Variants in CTNND2 observed in about 807,000 individuals in gnomAD.
CTNND2 encodes the protein catenin delta-2.
Under a neutral mutation model 144.4 loss-of-function variants are expected in CTNND2, and 22 were observed. The observed-to-expected ratio is 0.15, with a 90% CI of 0.11 to 0.22. The LOEUF (loss-of-function observed/expected upper bound fraction) is 0.22, where lower values mean the gene tolerates loss of function less well. Among genes scored for constraint, CTNND2 ranks in the 10% least tolerant of loss-of-function variants. CTNND2 has a pLI of 1.00. For synonymous variants in CTNND2, 751 were observed against 695.6 expected (o/e 1.08, Z -1.25); for missense variants, 1,353 against 1,618.8 (o/e 0.84, Z 2.82).
intron 1 of CTNND2, among the ~76,000 whole-genome samples, chr5:11,854,560 T>C (rs1387690940): frequency 6.6e-6 from 1 of 152,240 alleles, no homozygotes; most frequent in African/African-American, 2.4e-5. Flanking sequence ...GAAGAGTGCC[T>C]GGCTCAAAGA....
chr5:11,229,699 CAT>C (rs1226324600), intron 10 of CTNND2, among the ~76,000 whole-genome samples: 1 of 149,706 alleles, frequency 6.7e-6, no homozygotes, highest in African/African-American at 2.5e-5. Context: ...TATATATACA[CAT>C]ATATATACAT....
At chr5:11,215,179 TC>T (rs1739045691) in intron 10 of CTNND2, among the ~76,000 whole-genome samples, 1 of 152,194 alleles carries the variant, frequency 6.6e-6, no homozygotes, top group African/African-American at 2.4e-5. Flanking sequence ...AGGAGAAGTA[TC>T]ATATATCAAG....
rs529390474 is a variant in CTNND2 at position 11,123,192 on chromosome 5, G to A, written c.2160-5625C>T. 2.0e-5 allele frequency among the ~76,000 whole-genome samples: 3 copies of A among 152,270 alleles called. No homozygotes were observed. In the South Asian group the frequency reaches 6.2e-4, roughly 32 times the overall value. On this transcript the variant is annotated intron_variant, in intron 12 of 21. Transcript: ENST00000304623. Reference sequence around the variant, plus strand: ...TTCTCTTAGAGCACCTGTAACACACGATGTTTGAGTCTGGTCCCACAAGGC... The same window carrying A: ...TTCTCTTAGAGCACCTGTAACACACAATGTTTGAGTCTGGTCCCACAAGGC...
At chr5:11,853,518 G>A (rs191471471) in intron 1 of CTNND2, among the ~76,000 whole-genome samples, 2 of 152,198 alleles carry the variant, frequency 1.3e-5, no homozygotes, top group Admixed American at 1.3e-4. Context: ...TGAATCTCAA[G>A]TCACTGCCCA....
At chr5:11,647,951 T>A (rs900285913) in intron 2 of CTNND2, among the ~76,000 whole-genome samples, 2 of 152,206 alleles carry the variant, frequency 1.3e-5, no homozygotes, top group Non-Finnish European at 2.9e-5. Flanking sequence ...CGGACAGACA[T>A]AGACAAAGGA....
At chr5:11,848,118 C>T (rs775822997) in intron 1 of CTNND2, among the ~76,000 whole-genome samples, 3 of 152,020 alleles carry the variant, frequency 2.0e-5, no homozygotes, top group African/African-American at 7.2e-5. Flanking sequence ...AAAGTTTGCC[C>T]TCTATTCTTT....
At chr5:11,529,090 C>T (rs1773518684) in intron 3 of CTNND2, among the ~76,000 whole-genome samples, 1 of 152,190 alleles carries the variant, frequency 6.6e-6, no homozygotes, top group Non-Finnish European at 1.5e-5. Context: ...AACAGGGACA[C>T]AAGGCCATAT....
chr5:11,637,072 A>T (rs1245439430), intron 2 of CTNND2, among the ~76,000 whole-genome samples: 1 of 152,232 alleles, frequency 6.6e-6, no homozygotes, highest in Non-Finnish European at 1.5e-5. Context: ...TTTCTTTACA[A>T]GAAAAAAGCA....
intron 1 of CTNND2, among the ~76,000 whole-genome samples, chr5:11,753,032 T>C (rs1442907621): frequency 1.3e-5 from 2 of 151,922 alleles, no homozygotes. Context: ...TAATTTTACA[T>C]TCTGAAACTT....
rs61751688 is a variant in CTNND2 at position 10,991,025 on chromosome 5, C to G, written c.3211+1526G>C. 2.1e-3 allele frequency among the ~76,000 whole-genome samples: 313 copies of G among 152,330 alleles called. 2 individuals are homozygous for G. The highest frequency in any genetic ancestry group is 6.9e-3 in the African/African-American group (286 of 41,566). On this transcript the variant is annotated intron_variant, in intron 19 of 21. Transcript: ENST00000304623. ...TATCTTTTTAAGCCTGCTGGAATTA[C>G]AGAAATAAGAGGCCTAAGAGGCCAC...
At chr5:11,190,045 G>C (rs1007670090) in intron 11 of CTNND2, among the ~76,000 whole-genome samples, 1 of 152,142 alleles carries the variant, frequency 6.6e-6, no homozygotes, top group African/African-American at 2.4e-5. Context: ...GACAAGAATG[G>C]GCAATGTCTC....
At chr5:11,051,269 T>C (rs867769419) in intron 16 of CTNND2, among the ~76,000 whole-genome samples, 1 of 152,142 alleles carries the variant, frequency 6.6e-6, no homozygotes, top group Non-Finnish European at 1.5e-5. Flanking sequence ...CAGAGAGATA[T>C]GAGTTAACCA....
intron 12 of CTNND2, among the ~76,000 whole-genome samples, chr5:11,139,583 C>G (rs1053024365): frequency 6.6e-6 from 1 of 152,208 alleles, no homozygotes; most frequent in African/African-American, 2.4e-5. Flanking sequence ...TCTCTGTTTG[C>G]TGCTAGACCT....
intron 2 of CTNND2, among the ~76,000 whole-genome samples, chr5:11,717,810 G>A (rs1000365206): frequency 3.9e-5 from 6 of 152,036 alleles, no homozygotes; most frequent in Non-Finnish European, 7.4e-5. Flanking sequence ...CAGTATGGGG[G>A]AAACTGCCCC....
chr5:11,721,747 A>G (rs13165260), intron 2 of CTNND2, among the ~76,000 whole-genome samples: 34,304 of 152,184 alleles, frequency 0.23, 4,820 homozygotes, highest in African/African-American at 0.4. Flanking sequence ...AAGTGTCTTG[A>G]GCATGTTCAC....
At chr5:11,296,963 CCCT>C (rs1749089480) in intron 9 of CTNND2, among the ~76,000 whole-genome samples, 1 of 152,098 alleles carries the variant, frequency 6.6e-6, no homozygotes. Flanking sequence ...TGCACATGTA[CCCT>C]AAAACTTAAA....
At chr5:11,758,264 T>C (rs1789061322) in intron 1 of CTNND2, among the ~76,000 whole-genome samples, 1 of 151,962 alleles carries the variant, frequency 6.6e-6, no homozygotes, top group Non-Finnish European at 1.5e-5. Context: ...TGAGGGAGTA[T>C]GATATGATGT....
chr5:11,818,872 T>C (rs2126936675), intron 1 of CTNND2, among the ~76,000 whole-genome samples: 1 of 152,310 alleles, frequency 6.6e-6, no homozygotes, highest in East Asian at 1.9e-4. Flanking sequence ...TTATAGCGGG[T>C]TTCCTCTCCT....
At chr5:11,018,858 G>A (rs553759304) in intron 17 of CTNND2, among the ~76,000 whole-genome samples, 1 of 152,126 alleles carries the variant, frequency 6.6e-6, no homozygotes, top group African/African-American at 2.4e-5. Context: ...TTACAGGCGT[G>A]TGCCACCATG....
Sources: gnomAD v4.1 joint callset for allele counts (sites outside exome capture counted in the v4.1 genomes callset) on GRCh38, gnomAD v4.1.1 for gene constraint, MANE v1.5 for transcripts, NCBI Gene and HGNC (gene_info 2026-07-23, HGNC 2026-07-21) for gene names.